The following ZNF846 variants were observed in gnomAD, a reference collection of about 807,000 sequenced individuals.
The protein encoded by ZNF846 is zinc finger protein 846.
Under a neutral mutation model 16.0 loss-of-function variants are expected in ZNF846, and 15 were observed. That is an observed-to-expected ratio of 0.94 (90% confidence interval 0.63 to 1.45). The LOEUF is 1.45. Among genes scored for constraint, ZNF846 ranks in the 40% most tolerant of loss-of-function variants. The pLI is 0.00. For synonymous variants in ZNF846, 229 were observed against 212.0 expected, an observed-to-expected ratio of 1.08 and a Z score of -0.70; for missense variants, 714 against 622.3, an observed-to-expected ratio of 1.15 and a Z score of -1.57.
downstream of ZNF846, among the ~76,000 whole-genome samples, chr19:9,754,078 T>C (rs1354093990): frequency 1.3e-5 from 2 of 149,808 alleles, no homozygotes; most frequent in African/African-American, 5.1e-5. Flanking sequence ...ATACATATAA[T>C]TTTTTTATCT....
At chr19:9,783,539 AAAAAAATATATATATATAT>A in intron 1 of ZNF846, among the ~76,000 whole-genome samples, 1 of 123,992 alleles carries the variant, frequency 8.1e-6, no homozygotes, top group Admixed American at 1.0e-4. Context: ...AAAAAAAAAA[AAAAAAATATATATATATAT>A]ATATATATTC....
chr19:9,784,687 G>T (rs888525992), intron 1 of ZNF846, among the ~76,000 whole-genome samples: 15 of 152,116 alleles, frequency 9.9e-5, no homozygotes, highest in Admixed American at 9.2e-4. Flanking sequence ...CTGTCTCAGT[G>T]GGGGGAAACC....
upstream of ZNF846, among the ~76,000 whole-genome samples, chr19:9,771,987 C>T (rs1177185965): frequency 1.3e-5 from 2 of 151,816 alleles, no homozygotes; most frequent in African/African-American, 4.8e-5. Context: ...AGGATGGTCT[C>T]GGTCTCTTGA....
At chr19:9,778,803 C>CA (rs56001426) in intron 1 of ZNF846, among the ~76,000 whole-genome samples, 2,203 of 50,420 alleles carry the variant, frequency 0.044, 88 homozygotes, top group East Asian at 0.22. Flanking sequence ...AAACTCGTCT[C>CA]AAAAAAAAAA....
downstream of ZNF846, chr19:9,756,659 TGA>T (rs1456489110): frequency 3.3e-5 from 5 of 151,428 alleles, no homozygotes; most frequent in Non-Finnish European, 7.4e-5. Flanking sequence ...TCTTTGATGT[TGA>T]GTTATTAAAA....
intron 5 of ZNF846, among the ~76,000 whole-genome samples, chr19:9,759,421 G>A (rs1000706062): frequency 6.6e-6 from 1 of 151,430 alleles, no homozygotes; most frequent in Non-Finnish European, 1.5e-5. Context: ...TGGACAAAAT[G>A]GTGAAACCCC....
At chr19:9,759,437 T>C (rs2045186190) in intron 5 of ZNF846, among the ~76,000 whole-genome samples, 1 of 150,310 alleles carries the variant, frequency 6.7e-6, no homozygotes, top group Non-Finnish European at 1.5e-5. Context: ...ACCCCATCTC[T>C]ACAAAAAAAA....
downstream of ZNF846, among the ~76,000 whole-genome samples, chr19:9,754,467 G>A (rs1025512912): frequency 6.7e-6 from 1 of 149,508 alleles, no homozygotes; most frequent in Non-Finnish European, 1.5e-5. Context: ...AGGAGGCTGA[G>A]GCAGAGAGAA....
chr19:9,772,835 G>T (rs1340590249), upstream of ZNF846, among the ~76,000 whole-genome samples: 1 of 152,106 alleles, frequency 6.6e-6, no homozygotes, highest in Non-Finnish European at 1.5e-5. Flanking sequence ...CACTTTGGGA[G>T]GCTGAGGTGG....
intron 1 of ZNF846, among the ~76,000 whole-genome samples, chr19:9,767,187 G>A (rs1361725549): frequency 6.6e-6 from 1 of 151,782 alleles, no homozygotes; most frequent in East Asian, 2.0e-4. Flanking sequence ...CCAGGCTGTA[G>A]TGCATTGCCA....
At chr19:9,774,858 T>G in intron 1 of ZNF846, 1 of 1,610,244 alleles carries the variant, frequency 6.2e-7, no homozygotes, top group Middle Eastern at 2.0e-4. Context: ...GAGCACCCGC[T>G]TCGGGCTGAC....
chr19:9,757,562 T>C (rs2045151279), exon 6 of ZNF846: 15 of 1,613,266 alleles, frequency 9.3e-6, no homozygotes, highest in Non-Finnish European at 1.3e-5. Context: ...TACATTCATA[T>C]GGTTTTGCTC....
chr19:9,783,898 T>TTG (rs1009644554), intron 1 of ZNF846, among the ~76,000 whole-genome samples: 2 of 152,016 alleles, frequency 1.3e-5, no homozygotes, highest in African/African-American at 4.8e-5. Flanking sequence ...ATACCGGGTT[T>TTG]TGCCATATTG....
chr19:9,764,771 T>C (rs2045287650), intron 2 of ZNF846, 165 bp downstream of exon 2: 3 of 771,950 alleles, frequency 3.9e-6, no homozygotes, highest in Non-Finnish European at 6.6e-6. Flanking sequence ...TTGCAATCTC[T>C]GTACAACCTG....
exon 2 of ZNF846, chr19:9,764,981 C>T: frequency 6.2e-7 from 1 of 1,613,884 alleles, no homozygotes. Flanking sequence ...AGCCACTAGC[C>T]TTGGCTTCTC....
In ZNF846 at chr19:9,764,920, T is replaced by G. The variant is rs1301103970; in HGVS notation, c.15+16A>C. On this transcript the variant is annotated intron_variant, in intron 2 of 5. Coordinates refer to ENST00000397902, the Ensembl canonical transcript of ZNF846. ...ACAAGCATAACATTTTGAAGTTAGG[T>G]CTGCTTTCCACTTGCCTGAGAAGAA... 1 of 1,613,984 alleles carries G rather than the reference T, an allele frequency of 6.2e-7. No homozygotes were observed. Among genetic ancestry groups the G allele is most frequent in the Non-Finnish European group, 8.5e-7 (1 of 1,179,976 alleles).
At chr19:9,769,547 A>T (rs2045370560), upstream of ZNF846, among the ~76,000 whole-genome samples, 1 of 151,628 alleles carries the variant, frequency 6.6e-6, no homozygotes, top group Admixed American at 6.6e-5. Context: ...TTTCTGCAGG[A>T]TTTTCTCCTT....
chr19:9,766,312 G>C (rs2045314498), intron 1 of ZNF846, among the ~76,000 whole-genome samples: 1 of 151,032 alleles, frequency 6.6e-6, no homozygotes, highest in Non-Finnish European at 1.5e-5. Context: ...TACTCGGGAG[G>C]CTAAGGCAAG....
intron 1 of ZNF846, chr19:9,774,738 A>C: frequency 6.4e-7 from 1 of 1,556,328 alleles, no homozygotes. Flanking sequence ...AATATCGACG[A>C]AAAGGGGCAG....
Sources: allele counts gnomAD v4.1 joint callset (sites outside exome capture counted in the v4.1 genomes callset), GRCh38; gene constraint gnomAD v4.1.1; transcripts MANE v1.5; gene names NCBI Gene and HGNC (gene_info 2026-07-23, HGNC 2026-07-21).